Variants in SHANK2 observed in about 807,000 individuals in gnomAD.
SHANK2 encodes the protein SH3 and multiple ankyrin repeat domains protein 2.
In SHANK2, 43 loss-of-function variants were observed where a neutral mutation model predicts 133.7. The ratio of observed to expected loss-of-function variants is 0.32; its 90% CI spans 0.25 to 0.41. SHANK2 has a LOEUF of 0.41. SHANK2 is among the 10% of genes least tolerant of loss of function. The pLI, the probability that SHANK2 is intolerant of heterozygous loss-of-function variation, is 1.00. For synonymous variants in SHANK2, 1,017 were observed against 952.8 expected (o/e 1.07, Z -1.24); for missense variants, 1,994 against 2,235.8 (o/e 0.89, Z 2.18).
intron 8 of SHANK2, among the ~76,000 whole-genome samples, chr11:71,077,145 T>C (rs1225514669): frequency 6.7e-6 from 1 of 150,324 alleles, no homozygotes; most frequent in East Asian, 2.1e-4. Flanking sequence ...ACCCAGTCGT[T>C]TGCATTGGGA....
chr11:70,552,752 C>T (rs944530341), intron 17 of SHANK2, among the ~76,000 whole-genome samples: 2 of 152,268 alleles, frequency 1.3e-5, no homozygotes, highest in African/African-American at 2.4e-5. Flanking sequence ...CCAGCTGCAT[C>T]GGGACGTTTT....
At chr11:71,244,192 G>T (rs1234185035) in intron 1 of SHANK2, among the ~76,000 whole-genome samples, 1 of 152,188 alleles carries the variant, frequency 6.6e-6, no homozygotes, top group Non-Finnish European at 1.5e-5. Context: ...CTTAGGCTCT[G>T]CCAGCCTCCT....
intron 14 of SHANK2, among the ~76,000 whole-genome samples, chr11:70,708,702 C>A (rs1161010318): frequency 6.6e-6 from 1 of 152,222 alleles, no homozygotes; most frequent in Admixed American, 6.5e-5. Flanking sequence ...CTGGGAGCCG[C>A]TCCTCCAAGC....
chr11:70,858,643 T>C (rs1949207731), intron 11 of SHANK2, among the ~76,000 whole-genome samples: 1 of 152,230 alleles, frequency 6.6e-6, no homozygotes, highest in Non-Finnish European at 1.5e-5. Context: ...ACAACAGCAA[T>C]CATGGAAACT....
At chr11:70,843,966 G>T (rs1166557958) in intron 11 of SHANK2, among the ~76,000 whole-genome samples, 3 of 152,104 alleles carry the variant, frequency 2.0e-5, no homozygotes. Context: ...TTGGGGACAC[G>T]GCCTTCGTGG....
chr11:70,548,138 G>T (rs2059717985), intron 17 of SHANK2, among the ~76,000 whole-genome samples: 1 of 152,268 alleles, frequency 6.6e-6, no homozygotes, highest in South Asian at 2.1e-4. Context: ...AGGATGGCCG[G>T]CAGGGGTTGC....
At chr11:70,615,063 C>T (rs2060719828) in intron 17 of SHANK2, among the ~76,000 whole-genome samples, 1 of 152,224 alleles carries the variant, frequency 6.6e-6, no homozygotes. Context: ...CGTGGACATG[C>T]CATCTGCAAT....
chr11:70,703,937 TTCCC>T (rs1945602012), intron 14 of SHANK2, among the ~76,000 whole-genome samples: 1 of 152,204 alleles, frequency 6.6e-6, no homozygotes, highest in Non-Finnish European at 1.5e-5. Flanking sequence ...GCTCCTGCAG[TTCCC>T]ATGGGAGCCT....
In SHANK2 at chr11:70,533,208, A is replaced by G. The variant is rs148546054; in HGVS notation, c.2062-30277T>C. Among the ~76,000 whole-genome samples the G allele has an allele frequency of 1.4e-3, 218 of 152,232 alleles. 2 individuals carry two copies. Among genetic ancestry groups the G allele is most frequent in the African/African-American group, 4.9e-3 (203 of 41,518 alleles). ...CTGTGATTGTGTCGAATATCACTGT[A>G]CACTTTTGAATGGTGAATTTTATGT... is the stretch of plus-strand genomic sequence containing the variant. On this transcript the variant is annotated intron_variant, in intron 17 of 25. Coordinates refer to ENST00000601538, the MANE Select transcript of SHANK2 (RefSeq NM_012309.5).
intron 17 of SHANK2, among the ~76,000 whole-genome samples, chr11:70,539,514 G>GCCACGCTCA (rs1380647697): frequency 6.6e-6 from 1 of 150,820 alleles, no homozygotes; most frequent in Non-Finnish European, 1.5e-5. Flanking sequence ...ACGCTCACTC[G>GCCACGCTCA]CCACGCTCAC....
chr11:70,908,812 A>G (rs1950148410), intron 10 of SHANK2, among the ~76,000 whole-genome samples: 1 of 152,172 alleles, frequency 6.6e-6, no homozygotes, highest in Non-Finnish European at 1.5e-5. Context: ...CCTAATCAAC[A>G]TCAACGTCAA....
At chr11:71,252,832 G>A (rs1325904216), upstream of SHANK2, among the ~76,000 whole-genome samples, 3 of 152,076 alleles carry the variant, frequency 2.0e-5, no homozygotes, top group African/African-American at 7.2e-5. The surrounding 1 kb of genome is among the most constrained non-coding windows in gnomAD (Gnocchi z 6.3). Context: ...GCCCCGCCCC[G>A]GGCTGCGTGG....
chr11:70,868,329 TATG>T (rs1432640888), intron 11 of SHANK2, among the ~76,000 whole-genome samples: 1 of 152,152 alleles, frequency 6.6e-6, no homozygotes, highest in Non-Finnish European at 1.5e-5. Context: ...CTGTGCCTGC[TATG>T]ATAAGCCTGG....
At chr11:71,157,193 G>T (rs1273189091) in intron 2 of SHANK2, among the ~76,000 whole-genome samples, 1 of 152,254 alleles carries the variant, frequency 6.6e-6, no homozygotes, top group South Asian at 2.1e-4. Context: ...CTATCTAAAA[G>T]AAATGGGCTC....
At chr11:71,216,578 C>T (rs1195572044) in intron 2 of SHANK2, among the ~76,000 whole-genome samples, 11 of 152,122 alleles carry the variant, frequency 7.2e-5, no homozygotes, top group African/African-American at 2.4e-4. Flanking sequence ...GTGATGACTG[C>T]GCCACTCTGA....
At chr11:71,195,873 G>C (rs1555116118) in intron 2 of SHANK2, among the ~76,000 whole-genome samples, 1 of 152,192 alleles carries the variant, frequency 6.6e-6, no homozygotes, top group Non-Finnish European at 1.5e-5. Flanking sequence ...CCATAGAGGA[G>C]AGTCAGTCAT....
At position 71,093,051 on chromosome 11, in the gene SHANK2, AGGG is replaced by A. The variant is rs33983330; in HGVS notation, c.745-465_745-463del. On this transcript the variant is annotated intron_variant, in intron 7 of 25. Transcript: ENST00000601538. ...GAGCAAAGCTCAGTCTCAAAAATAA[AGGG>A]GGGGGGGGGCAGGTATAACTTTAGA... Among the ~76,000 whole-genome samples, 10 of 70,594 alleles carry A rather than the reference AGGG, an allele frequency of 1.4e-4. No individual in the cohort carries two copies. In the South Asian group the frequency reaches 4.3e-3, roughly 30 times the overall value. 46.3% of individuals were successfully genotyped at this position (70,594 alleles called of 152,430 possible). A position where few individuals can be genotyped will look rare whatever the true frequency, so the allele number is the denominator to read the frequency against.
intron 17 of SHANK2, among the ~76,000 whole-genome samples, chr11:70,524,008 G>A (rs751495931): frequency 1.3e-4 from 20 of 152,150 alleles, no homozygotes; most frequent in Non-Finnish European, 2.6e-4. Flanking sequence ...TATTTGCAGC[G>A]TGACTAGCAA....
intron 10 of SHANK2, among the ~76,000 whole-genome samples, chr11:70,913,678 AAG>A (rs782708208): frequency 1.2e-4 from 19 of 152,232 alleles, no homozygotes; most frequent in Non-Finnish European, 2.2e-4. Context: ...TGGGGGCTAA[AAG>A]AGAAGATTCT....
Sources: allele counts gnomAD v4.1 joint callset (sites outside exome capture counted in the v4.1 genomes callset), GRCh38; gene constraint gnomAD v4.1.1; non-coding constraint Gnocchi (gnomAD v3.1); transcripts MANE v1.5; gene names NCBI Gene and HGNC (gene_info 2026-07-23, HGNC 2026-07-21).